CDH13: variants seen among roughly 807,000 people sequenced by gnomAD.
CDH13 encodes cadherin-13.
In CDH13, 24 loss-of-function variants were observed where a neutral mutation model predicts 63.8. The observed-to-expected ratio is 0.38, with a 90% CI of 0.27 to 0.53. The LOEUF is 0.53. Ranked by LOEUF, CDH13 falls within the 20% of genes least tolerant of loss-of-function variation. The pLI is 0.85. For synonymous variants in CDH13, 503 were observed against 355.3 expected (o/e 1.42, Z -4.67); for missense variants, 1,049 against 903.1 (o/e 1.16, Z -2.07).
At chr16:82,996,310 C>G (rs180944122) in intron 2 of CDH13, among the ~76,000 whole-genome samples, 66 of 152,188 alleles carry the variant, frequency 4.3e-4, no homozygotes, top group African/African-American at 1.5e-3. Flanking sequence ...GGCCTCTACC[C>G]CATGACTCAT....
chr16:82,809,335 A>G (rs927106698), intron 1 of CDH13, among the ~76,000 whole-genome samples: 6 of 152,074 alleles, frequency 3.9e-5, no homozygotes, highest in Non-Finnish European at 5.9e-5. Context: ...ATCACTGTAA[A>G]TGAAAAATGA....
At chr16:82,765,327 C>G (rs1282086145) in intron 1 of CDH13, among the ~76,000 whole-genome samples, 3 of 152,172 alleles carry the variant, frequency 2.0e-5, no homozygotes, top group African/African-American at 7.2e-5. Context: ...AAAGATACTG[C>G]TATTATGCAT....
chr16:83,770,832 A>G (rs1468612193), intron 11 of CDH13, among the ~76,000 whole-genome samples: 1 of 152,162 alleles, frequency 6.6e-6, no homozygotes, highest in African/African-American at 2.4e-5. Context: ...CTGTTTTATC[A>G]GAAAGGTCTT....
chr16:83,456,004 G>C (rs1245967052), intron 6 of CDH13, among the ~76,000 whole-genome samples: 2 of 152,242 alleles, frequency 1.3e-5, no homozygotes, highest in Non-Finnish European at 2.9e-5. Context: ...TCCCACTGCT[G>C]TTACCCTGCT....
chr16:83,309,176 G>C (rs1253418985), intron 5 of CDH13, among the ~76,000 whole-genome samples: 1 of 152,102 alleles, frequency 6.6e-6, no homozygotes, highest in Non-Finnish European at 1.5e-5. Flanking sequence ...TGTCTGTTTT[G>C]TTTGCAGCGT....
chr16:83,300,067 A>G lies in CDH13; in HGVS notation c.637-44795A>G, dbSNP rs545721523. ...TCACTTTTGCCATATTCTGTTCATT[A>G]GATGCAAGTCACTAGTTTTAGCCCA... On this transcript the variant is annotated intron_variant, in intron 5 of 13. Coordinates refer to ENST00000567109, the MANE Select transcript of CDH13 (RefSeq NM_001257.5). Among the ~76,000 whole-genome samples, 3 of 152,336 alleles carry G rather than the reference A, an allele frequency of 2.0e-5. No individual in the cohort carries two copies. The East Asian group carries it at 5.8e-4, about 29-fold the overall frequency.
At chr16:82,627,590 C>A (rs902441188) in intron 1 of CDH13, among the ~76,000 whole-genome samples, 11 of 152,062 alleles carry the variant, frequency 7.2e-5, no homozygotes, top group African/African-American at 2.7e-4. Context: ...GTCCGGATTG[C>A]GGGATGCGGG....
At chr16:82,689,982 T>TAAAAAAAAAAAAAAAA (rs71146085) in intron 1 of CDH13, among the ~76,000 whole-genome samples, 2 of 15,778 alleles carry the variant, frequency 1.3e-4, no homozygotes, top group Admixed American at 1.3e-3. Context: ...CCATCTCTAC[T>TAAAAAAAAAAAAAAAA]AAAAAAAAAA....
intron 4 of CDH13, among the ~76,000 whole-genome samples, chr16:83,187,119 T>C (rs8057232): frequency 0.2 from 30,929 of 151,992 alleles, 4,464 homozygotes; most frequent in African/African-American, 0.42. Flanking sequence ...TACAGTTGCC[T>C]GCCACCACAC....
chr16:83,515,195 C>G (rs1340653015), intron 7 of CDH13, among the ~76,000 whole-genome samples: 4 of 152,178 alleles, frequency 2.6e-5, no homozygotes, highest in Non-Finnish European at 5.9e-5. Flanking sequence ...CTTGAGGACT[C>G]ATGCCTCAGC....
In CDH13 at chr16:82,646,707, G is replaced by C. The variant is rs189252034; in HGVS notation, c.45+19570G>C. 5.3e-5 allele frequency among the ~76,000 whole-genome samples: 8 copies of C among 152,270 alleles called. No individual in the cohort carries two copies. In the East Asian group the frequency reaches 1.5e-3, roughly 29 times the overall value. On this transcript the variant is annotated intron_variant, in intron 1 of 13. Transcript: ENST00000567109. ...TGTCATCATCCCCATCTACAGATGA[G>C]AAAACTGAGTCAGAGGAAGAGTTAG...
In CDH13 at chr16:83,451,886, C is replaced by T. The variant is rs569871858; in HGVS notation, c.782-34591C>T. 2.2e-4 allele frequency among the ~76,000 whole-genome samples: 34 copies of T among 152,236 alleles called. No individual in the cohort carries two copies. The South Asian group carries it at 4.1e-3, about 19-fold the overall frequency. On this transcript the variant is annotated intron_variant, in intron 6 of 13. Transcript: ENST00000567109. ...TTTTCAAACTGAACATCTTTATATT[C>T]GAGGTTAATTTAAAATGGAGCCTTC...
intron 5 of CDH13, among the ~76,000 whole-genome samples, chr16:83,317,543 A>G (rs2090133245): frequency 6.6e-6 from 1 of 152,148 alleles, no homozygotes; most frequent in Admixed American, 6.5e-5. Flanking sequence ...TGCTGCAAGT[A>G]AGAATCCAGT....
At chr16:83,572,175 G>GTTTTGTGTGTGTGTGT (rs145519267) in intron 7 of CDH13, among the ~76,000 whole-genome samples, 80 of 145,694 alleles carry the variant, frequency 5.5e-4, no homozygotes, top group African/African-American at 1.9e-3. Flanking sequence ...ACTTTCCTGT[G>GTTTTGTGTGTGTGTGT]GTGTGTGTGT....
chr16:83,516,201 C>T lies in CDH13; in HGVS notation c.960+29546C>T, dbSNP rs571388301. Reference sequence around the variant, plus strand: ...TAGAAAGTTTCCTGTAAGCGTTTTACACTCAAAGTTTTCTTTATAGTGCCA... The same window carrying T: ...TAGAAAGTTTCCTGTAAGCGTTTTATACTCAAAGTTTTCTTTATAGTGCCA... On this transcript the variant is annotated intron_variant, in intron 7 of 13. Coordinates refer to ENST00000567109, the MANE Select transcript of CDH13 (RefSeq NM_001257.5). Among the ~76,000 whole-genome samples the T allele has an allele frequency of 3.3e-5, 5 of 152,310 alleles. No individual in the cohort carries two copies. The South Asian group carries it at 8.3e-4, about 25-fold the overall frequency.
chr16:82,723,384 C>A (rs1217647352), intron 1 of CDH13, among the ~76,000 whole-genome samples: 1 of 152,166 alleles, frequency 6.6e-6, no homozygotes, highest in Non-Finnish European at 1.5e-5. Context: ...AGCTCTCTTC[C>A]TTCTTTGTCT....
At chr16:82,968,172 T>C (rs1207121504) in intron 2 of CDH13, among the ~76,000 whole-genome samples, 1 of 152,224 alleles carries the variant, frequency 6.6e-6, no homozygotes, top group South Asian at 2.1e-4. Flanking sequence ...TAACAATCTG[T>C]TGCTACCCTT....
chr16:82,751,673 C>G (rs538109487), intron 1 of CDH13, among the ~76,000 whole-genome samples: 4 of 144,630 alleles, frequency 2.8e-5, no homozygotes, highest in African/African-American at 1.0e-4. Context: ...AACACCATGA[C>G]AGATTGAGAG....
chr16:83,590,788 G>C (rs115042072), intron 7 of CDH13, among the ~76,000 whole-genome samples: 1 of 152,020 alleles, frequency 6.6e-6, no homozygotes, highest in East Asian at 1.9e-4. Context: ...CGACATCAGC[G>C]TCTCCAAGAA....
Sources: gnomAD v4.1 joint callset for allele counts (sites outside exome capture counted in the v4.1 genomes callset) on GRCh38, gnomAD v4.1.1 for gene constraint, MANE v1.5 for transcripts, NCBI Gene and HGNC (gene_info 2026-07-23, HGNC 2026-07-21) for gene names.